The following PCBP2 variants were observed in gnomAD, a reference collection of about 807,000 sequenced individuals.
PCBP2 encodes the protein poly(rC)-binding protein 2.
PCBP2 carries 4 observed loss-of-function variants against 50.1 expected under a neutral mutation model. The observed-to-expected ratio is 0.08, with a 90% CI of 0.04 to 0.18. PCBP2 has a LOEUF of 0.18. Ranked by LOEUF, PCBP2 falls within the 10% of genes least tolerant of loss-of-function variation. PCBP2 has a pLI of 1.00. For missense variants in PCBP2, 161 were observed against 474.3 expected (o/e 0.34, Z 6.14); for synonymous variants, 179 against 168.0 (o/e 1.07, Z -0.51).
At chr12:53,463,554 T>C (rs748214226) in intron 8 of PCBP2, among the ~76,000 whole-genome samples, 2 of 152,168 alleles carry the variant, frequency 1.3e-5, no homozygotes, top group African/African-American at 2.4e-5. Flanking sequence ...CTAGAGATGA[T>C]TAAAATATGT....
intron 6 of PCBP2, chr12:53,460,325 T>C (rs1199539806): frequency 1.2e-5 from 4 of 343,562 alleles, no homozygotes; most frequent in Non-Finnish European, 5.8e-6. Context: ...CTTTCTGTTG[T>C]TGTAGAGACG....
chr12:53,468,760 T>C lies in PCBP2; in HGVS notation c.827-17T>C. ...AATGCTGTGCATTGAATTTGCTTGC[T>C]CTCTTCTGTCTTTTAGCAGGTTTGG... On this transcript the variant is annotated splice_polypyrimidine_tract_variant and intron_variant, in intron 12 of 14. Transcript: ENST00000546463. 14 of 1,605,846 alleles carry C rather than the reference T, an allele frequency of 8.7e-6. No individual in the cohort carries two copies. The highest frequency in any genetic ancestry group is 1.2e-5 in the Non-Finnish European group (14 of 1,172,738).
chr12:53,458,510 T>C (rs952473321), intron 5 of PCBP2, among the ~76,000 whole-genome samples: 2 of 151,974 alleles, frequency 1.3e-5, no homozygotes, highest in Non-Finnish European at 2.9e-5. Flanking sequence ...TTTCACCATG[T>C]TGGCCAGGCT....
intron 4 of PCBP2, 94 bp from the exon 5 acceptor site, chr12:53,455,791 C>A: frequency 1.2e-6 from 1 of 844,870 alleles, no homozygotes. Flanking sequence ...GCATCAGGAT[C>A]ATGTACATTG....
intron 12 of PCBP2, 60 bp from the exon 13 acceptor site, chr12:53,468,717 C>A: frequency 8.2e-7 from 1 of 1,225,902 alleles, no homozygotes; most frequent in Non-Finnish European, 1.2e-6. Context: ...GTTTAATGTG[C>A]AAGTCAGTGA....
chr12:53,452,586 TC>T (rs899726416), intron 1 of PCBP2, among the ~76,000 whole-genome samples: 1 of 145,472 alleles, frequency 6.9e-6, no homozygotes, highest in African/African-American at 2.6e-5. Flanking sequence ...TATTCCCCCC[TC>T]CCCCCGCCTT....
chr12:53,470,401 A>G lies in PCBP2; in HGVS notation c.883-1237A>G, dbSNP rs11170561. On this transcript the variant is annotated intron_variant, in intron 13 of 14. Transcript: ENST00000546463. ...CTCAAAAAAAAAAAAAAAAAAAAAA[A>G]AGTGTAGTGGCTTTTTTTTTTGACA... Among the ~76,000 whole-genome samples, 602 of 104,898 alleles carry G rather than the reference A, an allele frequency of 5.7e-3. 19 individuals are homozygous for G. The highest frequency in any genetic ancestry group is 0.011 in the Admixed American group (92 of 8,480). The allele number at this position is 104,898 out of a possible 152,430, so 68.8% of individuals were successfully genotyped here.
chr12:53,469,935 G>A (rs1033811323), intron 13 of PCBP2, among the ~76,000 whole-genome samples: 1 of 151,696 alleles, frequency 6.6e-6, no homozygotes, highest in Non-Finnish European at 1.5e-5. Context: ...AATTAGAGAT[G>A]GGGTTTCTCC....
In PCBP2 at chr12:53,481,044, A is replaced by G. The variant is rs1037258857; in HGVS notation, c.*1602A>G. On this transcript the variant is annotated 3_prime_UTR_variant, in exon 15 of 15. Coordinates refer to ENST00000546463, the MANE Select transcript of PCBP2 (RefSeq NM_031989.5). ...GTTTATCAGGTGAATTGGTCAGGGG[A>G]TCAGTCTCCCTCGAGCCTGACTTAC... 3.2e-5 allele frequency: 8 copies of G among 248,618 alleles called. No individual in the cohort carries two copies. The highest frequency in any genetic ancestry group is 5.0e-5 in the Non-Finnish European group (7 of 141,118). The allele number at this position is 248,618 out of a possible 1,614,324, so 15.4% of individuals were successfully genotyped here.
chr12:53,462,192 T>C (rs1181168263), intron 7 of PCBP2, among the ~76,000 whole-genome samples: 1 of 152,248 alleles, frequency 6.6e-6, no homozygotes, highest in African/African-American at 2.4e-5. Flanking sequence ...AATATACGTT[T>C]AACAGTTTTT....
intron 5 of PCBP2, among the ~76,000 whole-genome samples, chr12:53,457,490 C>T (rs1177588435): frequency 1.3e-5 from 2 of 152,048 alleles, no homozygotes; most frequent in African/African-American, 4.8e-5. Context: ...GGACCACAGG[C>T]TTGAACCACC....
At chr12:53,476,160 C>G (rs1942568614) in intron 14 of PCBP2, 2 of 152,320 alleles carry the variant, frequency 1.3e-5, no homozygotes, top group East Asian at 3.9e-4. Flanking sequence ...TCCACTAGTC[C>G]TAAACCAACT....
chr12:53,455,193 T>A (rs1268193971), intron 2 of PCBP2, among the ~76,000 whole-genome samples, 154 bp from the exon 3 acceptor site: 1 of 152,222 alleles, frequency 6.6e-6, no homozygotes, highest in Admixed American at 6.5e-5. Flanking sequence ...GGGTAATAAT[T>A]AGCATAGATA....
chr12:53,471,080 C>G (rs756832933), intron 13 of PCBP2, among the ~76,000 whole-genome samples: 10 of 151,904 alleles, frequency 6.6e-5, no homozygotes, highest in Non-Finnish European at 1.3e-4. Flanking sequence ...CATGGGTGGT[C>G]AGACTGAAAA....
chr12:53,464,096 C>T (rs1162119133), intron 8 of PCBP2, among the ~76,000 whole-genome samples: 1 of 152,110 alleles, frequency 6.6e-6, no homozygotes, highest in African/African-American at 2.4e-5. Context: ...TAAGCAAAGG[C>T]CCAGAGTCAG....
At chr12:53,464,517 C>T in intron 8 of PCBP2, 1 of 465,230 alleles carries the variant, frequency 2.1e-6, no homozygotes, top group East Asian at 4.6e-5. Flanking sequence ...CAGGAGCTGG[C>T]ATCAGCTCTG....
intron 11 of PCBP2, chr12:53,467,587 G>C (rs1469871695): frequency 3.2e-6 from 2 of 616,268 alleles, no homozygotes; most frequent in Non-Finnish European, 5.7e-6. Context: ...CATCCTGACT[G>C]CTGCCCCCTT....
chr12:53,472,851 T>C, intron 14 of PCBP2, among the ~76,000 whole-genome samples: 1 of 152,266 alleles, frequency 6.6e-6, no homozygotes, highest in South Asian at 2.1e-4. Flanking sequence ...CTACTACTCT[T>C]TGTGTAGAAA....
chr12:53,471,560 T>C (rs1592677408), intron 13 of PCBP2, 78 bp from the exon 14 acceptor site: 4 of 1,154,518 alleles, frequency 3.5e-6, no homozygotes, highest in Non-Finnish European at 4.4e-6. Flanking sequence ...TCGTAGGATT[T>C]GGGGTGGGGG....
Sources: allele counts gnomAD v4.1 joint callset (sites outside exome capture counted in the v4.1 genomes callset), GRCh38; gene constraint gnomAD v4.1.1; transcripts MANE v1.5; gene names NCBI Gene and HGNC (gene_info 2026-07-23, HGNC 2026-07-21).